FAM204A: variants seen among roughly 807,000 people sequenced by gnomAD.
The protein encoded by FAM204A is protein FAM204A.
A neutral mutation model predicts 35.4 loss-of-function variants in FAM204A; 16 were observed. The observed-to-expected ratio is 0.45, with a 90% confidence interval of 0.31 to 0.69. The LOEUF is 0.69. Among genes scored for constraint, FAM204A ranks in the 30% least tolerant of loss-of-function variants. The pLI is 0.07. For synonymous variants in FAM204A, 76 were observed against 86.9 expected (o/e 0.88, Z 0.70); for missense variants, 240 against 265.7 (o/e 0.90, Z 0.67).
rs1002223089 is a variant in FAM204A, at chr10:118,310,985, C to T, written c.651-77G>A. The stretch of plus-strand genomic sequence containing the variant: ...TTTGCTGAACATGTTTACTTAGAGA[C>T]CAAAGCAAAACAAACAAAAATTTTT... On this transcript the variant is annotated intron_variant, in intron 8 of 8. Transcript: ENST00000369183. The T allele has an allele frequency of 6.3e-6, 9 of 1,428,202 alleles. No homozygotes were observed. The African/African-American group carries it at 1.1e-4, about 18-fold the overall frequency. 88.5% of individuals were successfully genotyped at this position (1,428,202 alleles called of 1,614,324 possible).
At chr10:118,326,433 G>C (rs1213511426) in intron 6 of FAM204A, 190 bp from the exon 7 acceptor site, 1 of 541,906 alleles carries the variant, frequency 1.8e-6, no homozygotes, top group African/African-American at 2.0e-5. Context: ...CTTACCTGAG[G>C]TCATGTAACT....
chr10:118,323,955 G>A (rs1029660359), intron 7 of FAM204A, among the ~76,000 whole-genome samples: 2 of 151,904 alleles, frequency 1.3e-5, no homozygotes, highest in Non-Finnish European at 2.9e-5. Flanking sequence ...GATGATTTTC[G>A]GCACAGAGCT....
intron 7 of FAM204A, among the ~76,000 whole-genome samples, chr10:118,318,995 T>TA (rs1846072040): frequency 6.6e-6 from 1 of 151,684 alleles, no homozygotes; most frequent in Admixed American, 6.6e-5. Flanking sequence ...CACTTACATC[T>TA]ACATAAAACT....
chr10:118,335,519 T>C (rs368289919), intron 4 of FAM204A, 35 bp downstream of exon 4: 6 of 1,597,504 alleles, frequency 3.8e-6, no homozygotes, highest in African/African-American at 1.4e-5. Context: ...AACTTAGCAT[T>C]AGCACGACGA....
In FAM204A at chr10:118,336,311, A is replaced by T; in HGVS notation, c.105T>A (p.Asp35Glu). 1 of 1,613,958 alleles carries T rather than the reference A, an allele frequency of 6.2e-7. No homozygotes were observed. The highest frequency in any genetic ancestry group is 8.5e-7 in the Non-Finnish European group (1 of 1,179,886). ...LENSGLNLQE[D>E]KEDESIRKTE... ...TTTTTCTGATGCTCTCATCCTCTTT[A>T]TCTTCCTGTAAGTTAAGTCCAGAGT... The change falls in exon 3 of 9, where the codon GAT becomes GAA. Residue 35 changes from aspartate (D) to glutamate (E), a missense_variant. Asp to Glu is a conservative substitution (Grantham distance 45, BLOSUM62 2). Coordinates refer to ENST00000369183, the MANE Select transcript of FAM204A (RefSeq NM_022063.3).
In FAM204A at chr10:118,335,173, G is replaced by A. The variant is rs776710097; in HGVS notation, c.394C>T (p.Gln132Ter). The A allele has an allele frequency of 2.5e-6, 4 of 1,613,204 alleles. No homozygotes were observed. The highest frequency in any genetic ancestry group is 1.3e-5 in the African/African-American group (1 of 74,844). Residue 132 changes from glutamine to a stop codon, truncating the protein, a stop_gained, in exon 6 of 9, where the codon CAG becomes TAG. Coordinates refer to ENST00000369183, the MANE Select transcript of FAM204A (RefSeq NM_022063.3). LOFTEE classifies it high-confidence loss of function. ...AATCTATCATTGACTCCAAAATACT[G>A]AGTAAGCTCTTTCCACTGGGTTTCA... ...SNETQWKELT[Q>*]YFGVNDRFDP...
At chr10:118,327,496 T>C (rs1846216825) in intron 6 of FAM204A, among the ~76,000 whole-genome samples, 1 of 152,196 alleles carries the variant, frequency 6.6e-6, no homozygotes, top group Non-Finnish European at 1.5e-5. Context: ...CGCTTCATAG[T>C]CTTTGACCTG....
chr10:118,340,704 G>T (rs552471830), intron 2 of FAM204A, among the ~76,000 whole-genome samples: 1 of 152,150 alleles, frequency 6.6e-6, no homozygotes, highest in African/African-American at 2.4e-5. Flanking sequence ...GAACCAGAAA[G>T]GGGAAACAAA....
Position 118,309,074 on chromosome 10 carries a change from T to C in FAM204A, c.*1783A>G, listed in dbSNP as rs1161697532. 2.6e-5 allele frequency: 4 copies of C among 152,210 alleles called. No individual in the cohort carries two copies. The highest frequency in any genetic ancestry group is 7.2e-5 in the African/African-American group (3 of 41,446). 9.4% of individuals were successfully genotyped at this position (152,210 alleles called of 1,614,324 possible). A position where few individuals can be genotyped will look rare whatever the true frequency, so the allele number is the denominator to read the frequency against. On this transcript the variant is annotated 3_prime_UTR_variant, in exon 9 of 9. Coordinates refer to ENST00000369183, the MANE Select transcript of FAM204A (RefSeq NM_022063.3). ...GAAAGGTTTCTATACTAAAAGTCTG[T>C]ATTTACCTAATTTAGCAGTTTGAAA...
chr10:118,327,200 A>G (rs1402238774), intron 6 of FAM204A, among the ~76,000 whole-genome samples: 1 of 152,176 alleles, frequency 6.6e-6, no homozygotes, highest in Non-Finnish European at 1.5e-5. Context: ...TCCTTATTTC[A>G]TAACAGAAGT....
intron 7 of FAM204A, among the ~76,000 whole-genome samples, chr10:118,316,694 GATAT>G (rs903711258): frequency 6.6e-6 from 1 of 151,816 alleles, no homozygotes; most frequent in African/African-American, 2.4e-5. Flanking sequence ...ACATCAAATA[GATAT>G]ATATACAAAT....
chr10:118,327,470 G>A (rs1474565073), intron 6 of FAM204A, among the ~76,000 whole-genome samples: 2 of 152,248 alleles, frequency 1.3e-5, no homozygotes, highest in African/African-American at 2.4e-5. Context: ...CTGTGTAGCT[G>A]GAGACCATTC....
At chr10:118,322,612 A>G (rs938802037) in intron 7 of FAM204A, among the ~76,000 whole-genome samples, 1 of 152,106 alleles carries the variant, frequency 6.6e-6, no homozygotes, top group Non-Finnish European at 1.5e-5. Context: ...AGGAAAAAGA[A>G]GTTTCTTTTG....
chr10:118,334,301 A>G (rs1220639976), intron 6 of FAM204A, among the ~76,000 whole-genome samples: 1 of 152,092 alleles, frequency 6.6e-6, no homozygotes, highest in African/African-American at 2.4e-5. Flanking sequence ...CTTAAGCCAA[A>G]GCTTTGAATG....
chr10:118,319,932 TTAAGGGCA>T (rs1409064785), intron 7 of FAM204A, among the ~76,000 whole-genome samples: 1 of 151,936 alleles, frequency 6.6e-6, no homozygotes, highest in Non-Finnish European at 1.5e-5. Flanking sequence ...AGGATAATCT[TTAAGGGCA>T]TAAAAAAGCC....
chr10:118,315,527 ATATT>A (rs1244692574), intron 7 of FAM204A, among the ~76,000 whole-genome samples: 1 of 152,168 alleles, frequency 6.6e-6, no homozygotes, highest in African/African-American at 2.4e-5. Flanking sequence ...TCTATGAAAA[ATATT>A]TATGCCATTC....
chr10:118,299,391 G>GTTTTTTTTCTTTTTTT lies in FAM204A; in HGVS notation c.*11465_*11466insAAAAAAAGAAAAAAAA, dbSNP rs1845783163. 1 of 90,294 alleles carries GTTTTTTTTCTTTTTTT rather than the reference G, an allele frequency of 1.1e-5. No individual in the cohort carries two copies. The highest frequency in any genetic ancestry group is 2.0e-5 in the Non-Finnish European group (1 of 49,642). The allele number at this position is 90,294 out of a possible 1,614,324, so 5.6% of individuals were successfully genotyped here. ...ACCTCCTCCTTTCTGCTTCCAGAAG[G>GTTTTTTTTCTTTTTTT]TTTTTTTTTTTTTTTTTTTTTTGAG... On this transcript the variant is annotated 3_prime_UTR_variant, in exon 9 of 9. Coordinates refer to ENST00000369183, the MANE Select transcript of FAM204A (RefSeq NM_022063.3).
intron 7 of FAM204A, among the ~76,000 whole-genome samples, chr10:118,319,031 T>C (rs1846072524): frequency 6.6e-6 from 1 of 151,926 alleles, no homozygotes; most frequent in Admixed American, 6.6e-5. Context: ...AAGGAAGAAT[T>C]GTAGTCAAAC....
Position 118,303,738 on chromosome 10 carries a change from G to A in FAM204A, c.*7119C>T, listed in dbSNP as rs1845833219. On this transcript the variant is annotated 3_prime_UTR_variant, in exon 9 of 9. Coordinates refer to ENST00000369183, the MANE Select transcript of FAM204A (RefSeq NM_022063.3). ...GAGGCAGGAGAATTGCTTGAACCTG[G>A]GAAGCAGAGGTTGAAGTGAGCTGAG... The A allele has an allele frequency of 6.6e-6, 1 of 152,332 alleles. No individual in the cohort carries two copies. The highest frequency in any genetic ancestry group is 2.1e-4 in the South Asian group (1 of 4,814). The allele number at this position is 152,332 out of a possible 1,614,324, so 9.4% of individuals were successfully genotyped here. A position where few individuals can be genotyped will look rare whatever the true frequency, so the allele number is the denominator to read the frequency against.
Sources: allele counts gnomAD v4.1 joint callset (sites outside exome capture counted in the v4.1 genomes callset), GRCh38; gene constraint gnomAD v4.1.1; transcripts MANE v1.5; gene names NCBI Gene and HGNC (gene_info 2026-07-23, HGNC 2026-07-21).